PYROXD2: variants seen among roughly 807,000 people sequenced by gnomAD.
The protein encoded by PYROXD2 is pyridine nucleotide-disulphide oxidoreductase domain 2.
In PYROXD2, 69 loss-of-function variants were observed where a neutral mutation model predicts 71.1. The ratio of observed to expected loss-of-function variants is 0.97; its 90% CI spans 0.80 to 1.19. PYROXD2 has a LOEUF of 1.19. PYROXD2 is among the 50% of genes most tolerant of loss of function. The probability of loss-of-function intolerance (pLI) is 0.00; values close to 1 mark genes in which losing one functional copy is unlikely to be tolerated. For synonymous variants in PYROXD2, 287 were observed against 302.7 expected (o/e 0.95, Z 0.54); for missense variants, 745 against 748.9 (o/e 0.99, Z 0.06).
chr10:98,411,554 A>G (rs1843790303), intron 1 of PYROXD2: 1 of 152,308 alleles, frequency 6.6e-6, no homozygotes, highest in African/African-American at 2.4e-5. Flanking sequence ...GTTCAACATG[A>G]AGTAAACATG....
At chr10:98,384,314 G>A (rs569276494) in intron 15 of PYROXD2, among the ~76,000 whole-genome samples, 2 of 152,252 alleles carry the variant, frequency 1.3e-5, no homozygotes, top group Admixed American at 6.5e-5. Flanking sequence ...AGTTGAAGAA[G>A]TTAACTTTAT....
rs1842801615 is a variant in PYROXD2 at position 98,387,655 on chromosome 10, C to T, written c.1448-348G>A. Among the ~76,000 whole-genome samples the T allele has an allele frequency of 2.4e-5, 3 of 123,544 alleles. No homozygotes were observed. In the South Asian group the frequency reaches 8.0e-4, roughly 33 times the overall value. 81.0% of individuals were successfully genotyped at this position (123,544 alleles called of 152,430 possible). A position where few individuals can be genotyped will look rare whatever the true frequency, so the allele number is the denominator to read the frequency against. On this transcript the variant is annotated intron_variant, in intron 13 of 15. Coordinates refer to ENST00000370575, the MANE Select transcript of PYROXD2 (RefSeq NM_032709.3). ...TTTTTTTTTTTTTTTTTTTTTGAGACGGAGTCTCACTCTGTCACCCAGGCT... is the reference window on the plus strand; with the variant it reads ...TTTTTTTTTTTTTTTTTTTTTGAGATGGAGTCTCACTCTGTCACCCAGGCT...
intron 4 of PYROXD2, among the ~76,000 whole-genome samples, chr10:98,401,201 C>T (rs1843387557): frequency 7.5e-6 from 1 of 133,874 alleles, no homozygotes; most frequent in South Asian, 2.5e-4. Context: ...TGCAGTGAGG[C>T]AAGATTGCCG....
intron 1 of PYROXD2, chr10:98,413,994 G>A (rs1462945381): frequency 6.6e-6 from 1 of 151,950 alleles, no homozygotes; most frequent in East Asian, 1.9e-4. Context: ...TGTGTGCAGT[G>A]TATCTTTTAT....
At chr10:98,395,896 A>G (rs947115850) in intron 6 of PYROXD2, among the ~76,000 whole-genome samples, 1 of 152,190 alleles carries the variant, frequency 6.6e-6, no homozygotes, top group Non-Finnish European at 1.5e-5. Flanking sequence ...CCTGATTCAG[A>G]CCATTTCAGA....
intron 4 of PYROXD2, among the ~76,000 whole-genome samples, chr10:98,406,400 G>C (rs997628379): frequency 6.6e-6 from 1 of 152,186 alleles, no homozygotes; most frequent in African/African-American, 2.4e-5. Flanking sequence ...ACTGCCTGCT[G>C]CTATGGTCTG....
intron 5 of PYROXD2, among the ~76,000 whole-genome samples, chr10:98,398,521 T>C (rs1035439159): frequency 2.6e-5 from 4 of 152,208 alleles, no homozygotes; most frequent in African/African-American, 9.6e-5. Flanking sequence ...AAAAGTTCCA[T>C]GTTAAAATAC....
Position 98,394,064 on chromosome 10 carries a change from C to T in PYROXD2, c.786-981G>A, listed in dbSNP as rs145388462. Among the ~76,000 whole-genome samples the T allele has an allele frequency of 8.5e-5, 13 of 152,240 alleles. No individual in the cohort carries two copies. In the East Asian group the frequency reaches 2.1e-3, roughly 25 times the overall value. Reference sequence around the variant, plus strand: ...TCTGACCCTAGACCAGGCTGTGTCCCGGCTGCTCCTCCTAGCATCACACTC... The same window carrying T: ...TCTGACCCTAGACCAGGCTGTGTCCTGGCTGCTCCTCCTAGCATCACACTC... On this transcript the variant is annotated intron_variant, in intron 8 of 15. Transcript: ENST00000370575.
chr10:98,401,253 C>CA (rs751517406), intron 4 of PYROXD2, among the ~76,000 whole-genome samples: 486 of 45,324 alleles, frequency 0.011, 32 homozygotes, highest in African/African-American at 0.031. Context: ...GACTCTGTCT[C>CA]AAAAAAAAAA....
At position 98,391,150 on chromosome 10, in the gene PYROXD2, TG is replaced by T. The variant is rs1214676496; in HGVS notation, c.1063-69del. On this transcript the variant is annotated intron_variant, in intron 10 of 15. Transcript: ENST00000370575. ...CCCCAAGGAAGCTGCCTTCTTTCTT[TG>T]CTCAGGAAGATCCCTCAGTCGCTCC... The T allele has an allele frequency of 3.5e-4, 363 of 1,036,340 alleles. 6 individuals are homozygous for T. In the South Asian group the frequency reaches 4.3e-3, roughly 12 times the overall value. The allele number at this position is 1,036,340 out of a possible 1,614,324, so 64.2% of individuals were successfully genotyped here. A position where few individuals can be genotyped will look rare whatever the true frequency, so the allele number is the denominator to read the frequency against.
At chr10:98,400,373 G>T in intron 4 of PYROXD2, 116 bp from the exon 5 acceptor site, 1 of 963,458 alleles carries the variant, frequency 1.0e-6, no homozygotes, top group Non-Finnish European at 1.5e-6. Flanking sequence ...GTTCCCAAGT[G>T]TATGGTCCTG....
Position 98,383,880 on chromosome 10 carries a change from TC to T in PYROXD2, c.1676-13del, listed in dbSNP as rs748949506. 6.2e-7 allele frequency: 1 copy of T among 1,613,082 alleles called. No individual in the cohort carries two copies. Among genetic ancestry groups the T allele is most frequent in the Non-Finnish European group, 8.5e-7 (1 of 1,179,572 alleles). The stretch of plus-strand genomic sequence containing the variant: ...CATCACACCTCCTCCTGGAAGGGAA[TC>T]TCCTATGAACCAAAGCTCCGCTCAA... On this transcript the variant is annotated splice_polypyrimidine_tract_variant and intron_variant, in intron 15 of 15. Coordinates refer to ENST00000370575, the MANE Select transcript of PYROXD2 (RefSeq NM_032709.3).
chr10:98,412,788 TTGTAGGCAA>T (rs1843832975), intron 1 of PYROXD2, among the ~76,000 whole-genome samples: 1 of 152,102 alleles, frequency 6.6e-6, no homozygotes, highest in Non-Finnish European at 1.5e-5. Context: ...TCACTCGCAC[TTGTAGGCAA>T]GTCACCAAGG....
In PYROXD2 at chr10:98,415,096, C is replaced by T. The variant is rs771051468; in HGVS notation, c.40G>A (p.Ala14Thr). The change falls in exon 1 of 16, where the codon GCC becomes ACC. Residue 14 changes from alanine to threonine, a missense_variant. Physicochemically the swap from Ala to Thr is moderately conservative, Grantham distance 58 (BLOSUM62 0). Coordinates refer to ENST00000370575, the MANE Select transcript of PYROXD2 (RefSeq NM_032709.3). ...CGTCTCCACGCCGGGAAGGGAGAGG[C>T]GGCCACAGCCTTGCAGAGACCTCGG... ...SGRGLCKAVA[A>T]SPFPAWRRDN... 1.1e-5 allele frequency: 17 copies of T among 1,613,884 alleles called. No homozygotes were observed. The South Asian group carries it at 1.1e-4, about 10-fold the overall frequency.
intron 2 of PYROXD2, 185 bp downstream of exon 2, chr10:98,410,754 C>G (rs1843756384): frequency 2.5e-6 from 2 of 808,716 alleles, no homozygotes; most frequent in Non-Finnish European, 3.9e-6. Context: ...ATGTCCACAG[C>G]TGGCTGCAGA....
intron 15 of PYROXD2, among the ~76,000 whole-genome samples, chr10:98,384,576 C>T (rs1842690455): frequency 6.6e-6 from 1 of 152,188 alleles, no homozygotes; most frequent in Admixed American, 6.5e-5. Flanking sequence ...GTGATCATAC[C>T]ACTGCACCTC....
chr10:98,391,194 A>G (rs1427645311), intron 10 of PYROXD2, 112 bp from the exon 11 acceptor site: 1 of 758,582 alleles, frequency 1.3e-6, no homozygotes, highest in East Asian at 2.6e-5. Flanking sequence ...AATCCTCTTC[A>G]TCCTTCAAAG....
intron 14 of PYROXD2, among the ~76,000 whole-genome samples, chr10:98,386,536 C>T (rs1434506847): frequency 1.7e-5 from 2 of 120,886 alleles, no homozygotes; most frequent in Admixed American, 1.7e-4. Flanking sequence ...GGCCTCAGAT[C>T]TTTCTTTTGC....
At chr10:98,410,163 C>G (rs1843738002) in intron 2 of PYROXD2, among the ~76,000 whole-genome samples, 1 of 152,200 alleles carries the variant, frequency 6.6e-6, no homozygotes, top group Admixed American at 6.5e-5. Context: ...GTAAAATGTT[C>G]AAGTAAAACT....
Sources: allele counts gnomAD v4.1 joint callset (sites outside exome capture counted in the v4.1 genomes callset), GRCh38; gene constraint gnomAD v4.1.1; transcripts MANE v1.5; gene names NCBI Gene and HGNC (gene_info 2026-07-23, HGNC 2026-07-21).